The following SLC38A10 variants were observed in gnomAD, a reference collection of about 807,000 sequenced individuals.
SLC38A10 encodes the protein solute carrier family 38 member 10, also known as Sodium-coupled neutral amino acid transporter 10.
A neutral mutation model predicts 81.0 loss-of-function variants in SLC38A10; 53 were observed. The ratio of observed to expected loss-of-function variants is 0.65; its 90% CI spans 0.53 to 0.82. The LOEUF is 0.82. Among genes scored for constraint, SLC38A10 ranks in the 40% least tolerant of loss-of-function variants. The pLI, the probability that SLC38A10 is intolerant of heterozygous loss-of-function variation, is 0.00. For missense variants in SLC38A10, 1,471 were observed against 1,545.0 expected (o/e 0.95, Z 0.80); for synonymous variants, 665 against 655.3 (o/e 1.01, Z -0.23).
Position 81,294,881 on chromosome 17 carries a change from T to C in SLC38A10, c.41A>G (p.Asn14Ser). The change falls in exon 1 of 16, where the codon AAC (asparagine) becomes AGC (serine). Residue 14 changes from asparagine to serine, a missense_variant. Physicochemically the swap from Asn to Ser is conservative, Grantham distance 46 (BLOSUM62 1). This residue lies in a region of SLC38A10 where 720 missense variants were observed against 827.7 expected (regional missense o/e 0.87). Transcript: ENST00000374759. ...AAASNWGLIT[N>S]IVNSIVGVSV... The stretch of plus-strand genomic sequence containing the variant: ...GACCCCTACGATGCTGTTCACGATG[T>C]TCGTGATCAGCCCCCAGTTGGAGGC... 1 of 1,596,576 alleles carries C rather than the reference T, an allele frequency of 6.3e-7. No homozygotes were observed. The highest frequency in any genetic ancestry group is 8.5e-7 in the Non-Finnish European group (1 of 1,172,956).
intron 3 of SLC38A10, among the ~76,000 whole-genome samples, chr17:81,284,442 A>C (rs1011679843): frequency 1.4e-4 from 22 of 152,242 alleles, no homozygotes; most frequent in African/African-American, 5.3e-4. Flanking sequence ...GTTTGAGTTT[A>C]CAATTCCCTA....
chr17:81,272,017 G>A (rs1486189712), intron 9 of SLC38A10, among the ~76,000 whole-genome samples: 1 of 151,864 alleles, frequency 6.6e-6, no homozygotes, highest in Non-Finnish European at 1.5e-5. Context: ...GTGAGCCACT[G>A]CGCCCAGCAA....
intron 14 of SLC38A10, chr17:81,251,116 C>A: frequency 6.6e-7 from 1 of 1,509,062 alleles, no homozygotes; most frequent in Non-Finnish European, 8.9e-7. Context: ...CACGCCCACA[C>A]CTGGCTGGCT....
chr17:81,280,666 C>T lies in SLC38A10; in HGVS notation c.569G>A (p.Arg190His), dbSNP rs199792231. ...GATGCAGCGGAAGACGCCCTCCCAG[C>T]GGACGTAGCTGACCCGCCGCAGCCA... ...GQWLRRVSYV[R>H]WEGVFRCIPI... Residue 190 changes from arginine (R) to histidine (H), a missense_variant, in exon 6 of 16, where the codon CGC (arginine) becomes CAC (histidine). This residue lies in a region of SLC38A10 where 720 missense variants were observed against 827.7 expected (regional missense o/e 0.87). Transcript: ENST00000374759. 2.3e-5 allele frequency: 37 copies of T among 1,610,528 alleles called. No homozygotes were observed. The highest frequency in any genetic ancestry group is 1.7e-4 in the Middle Eastern group (1 of 5,822).
Position 81,286,818 on chromosome 17 carries a change from C to T in SLC38A10, c.218-1923G>A, listed in dbSNP as rs1052525915. The stretch of plus-strand genomic sequence containing the variant: ...CACTCCTGACACCGCTGCTCACAAC[C>T]GAGAACTCAGAGGCCGCGTGGGGGC... On this transcript the variant is annotated intron_variant, in intron 2 of 15. Transcript: ENST00000374759. The surrounding 1 kb of genome is among the most constrained non-coding windows in gnomAD (Gnocchi z 6.0). Among the ~76,000 whole-genome samples the T allele has an allele frequency of 2.0e-5, 3 of 152,212 alleles. No individual in the cohort carries two copies. Among genetic ancestry groups the T allele is most frequent in the East Asian group, 1.9e-4 (1 of 5,202 alleles).
At chr17:81,255,707 G>A (rs930418580) in intron 11 of SLC38A10, among the ~76,000 whole-genome samples, 2 of 152,214 alleles carry the variant, frequency 1.3e-5, no homozygotes, top group African/African-American at 2.4e-5. Flanking sequence ...TTCAAAAATC[G>A]CCTCCAGGCC....
chr17:81,271,060 G>A, intron 9 of SLC38A10, 36 bp from the exon 10 acceptor site: 1 of 1,563,972 alleles, frequency 6.4e-7, no homozygotes, highest in Non-Finnish European at 8.8e-7. Flanking sequence ...GATGAGTGGG[G>A]AAGGGCTCTG....
chr17:81,282,440 T>G, intron 4 of SLC38A10, 108 bp from the exon 5 acceptor site: 5 of 1,447,902 alleles, frequency 3.5e-6, no homozygotes, highest in Non-Finnish European at 4.6e-6. Flanking sequence ...GCCGACGGCA[T>G]CCAGGTGAAT....
At position 81,253,563 on chromosome 17, in the gene SLC38A10, C is replaced by T. The variant is rs1473664530; in HGVS notation, c.1289-323G>A. On this transcript the variant is annotated intron_variant, in intron 11 of 15. Coordinates refer to ENST00000374759, the MANE Select transcript of SLC38A10 (RefSeq NM_001037984.3). This position sits in a 1 kb window ranked among gnomAD's most constrained non-coding sequence, Gnocchi z 4.1. ...CAGTCCCCTCCATTACCATCACCTCCATCATCACCGTCATCACCGTCACCT... is the reference window on the plus strand; with the variant it reads ...CAGTCCCCTCCATTACCATCACCTCTATCATCACCGTCATCACCGTCACCT... Among the ~76,000 whole-genome samples, 2 of 152,046 alleles carry T rather than the reference C, an allele frequency of 1.3e-5. No individual in the cohort carries two copies. The highest frequency in any genetic ancestry group is 2.9e-5 in the Non-Finnish European group (2 of 67,998).
In SLC38A10 at chr17:81,277,017, G is replaced by C. The variant is rs1011524026; in HGVS notation, c.729+14C>G. The C allele has an allele frequency of 1.1e-5, 18 of 1,611,900 alleles. No individual in the cohort carries two copies. The highest frequency in any genetic ancestry group is 1.4e-5 in the Non-Finnish European group (17 of 1,178,272). On this transcript the variant is annotated intron_variant, in intron 7 of 15. Transcript: ENST00000374759. The surrounding 1 kb of genome is among the most constrained non-coding windows in gnomAD (Gnocchi z 4.5). The stretch of plus-strand genomic sequence containing the variant: ...CATGACACAGGGGCGGAGAGGGCGT[G>C]GCAAGGCTCTTACCATGACGTAGAA...
intron 10 of SLC38A10, among the ~76,000 whole-genome samples, chr17:81,262,678 A>G (rs1349879785): frequency 6.6e-6 from 1 of 152,214 alleles, no homozygotes; most frequent in Non-Finnish European, 1.5e-5. Context: ...GCTGGTCAGG[A>G]CAGGAGACTC....
At chr17:81,258,405 CAG>C (rs2062991621) in intron 11 of SLC38A10, among the ~76,000 whole-genome samples, 1 of 152,178 alleles carries the variant, frequency 6.6e-6, no homozygotes, top group South Asian at 2.1e-4. Context: ...GTGGAAGAAA[CAG>C]AAACCAGATG....
At chr17:81,271,283 G>A (rs957085415) in intron 9 of SLC38A10, among the ~76,000 whole-genome samples, 2 of 152,212 alleles carry the variant, frequency 1.3e-5, no homozygotes, top group African/African-American at 4.8e-5. Flanking sequence ...ACCTCCTGCC[G>A]AAACCAGATG....
At position 81,282,186 on chromosome 17, in the gene SLC38A10, C is replaced by G; in HGVS notation, c.501+3G>C. 1 of 1,613,194 alleles carries G rather than the reference C, an allele frequency of 6.2e-7. No homozygotes were observed. Among genetic ancestry groups the G allele is most frequent in the African/African-American group, 1.3e-5 (1 of 75,044 alleles). On this transcript the variant is annotated splice_donor_region_variant and intron_variant, in intron 5 of 15. Coordinates refer to ENST00000374759, the MANE Select transcript of SLC38A10 (RefSeq NM_001037984.3). ...CGGGTACCCACGCGCGCTGCCGACT[C>G]ACCACGAACATGAACACGGTGTAGA...
chr17:81,279,342 C>T lies in SLC38A10; in HGVS notation c.626+1267G>A, dbSNP rs115115391. Among the ~76,000 whole-genome samples the T allele has an allele frequency of 2.2e-3, 341 of 152,350 alleles. 2 individuals carry two copies. Among genetic ancestry groups the T allele is most frequent in the African/African-American group, 6.6e-3 (276 of 41,584 alleles). ...GGCCCCAGCTGGCATCCAGGCCAAT[C>T]ACACAGGCAGGGGGCGCGGCCCGCC... On this transcript the variant is annotated intron_variant, in intron 6 of 15. Coordinates refer to ENST00000374759, the MANE Select transcript of SLC38A10 (RefSeq NM_001037984.3).
At position 81,253,529 on chromosome 17, in the gene SLC38A10, A is replaced by G. The variant is rs2062939892; in HGVS notation, c.1289-289T>C. On this transcript the variant is annotated intron_variant, in intron 11 of 15. Coordinates refer to ENST00000374759, the MANE Select transcript of SLC38A10 (RefSeq NM_001037984.3). This position sits in a 1 kb window ranked among gnomAD's most constrained non-coding sequence, Gnocchi z 4.1. ...GATGGCGGCACGAGCCCACCGACCC[A>G]CTCTCCCACAGTCCCCTCCATTACC... Among the ~76,000 whole-genome samples, 5 of 151,454 alleles carry G rather than the reference A, an allele frequency of 3.3e-5. No homozygotes were observed. In the South Asian group the frequency reaches 1.0e-3, roughly 32 times the overall value.
At chr17:81,273,045 G>A (rs1467232174) in intron 8 of SLC38A10, among the ~76,000 whole-genome samples, 2 of 152,168 alleles carry the variant, frequency 1.3e-5, no homozygotes, top group Admixed American at 6.5e-5. Context: ...GTTTCAGGGT[G>A]CAGGCAGAAC....
Position 81,295,042 on chromosome 17 carries a change from G to A in SLC38A10, c.-121C>T. 2 of 1,354,334 alleles carry A rather than the reference G, an allele frequency of 1.5e-6. No homozygotes were observed. Among genetic ancestry groups the A allele is most frequent in the East Asian group, 3.2e-5 (1 of 31,672 alleles). 83.9% of individuals were successfully genotyped at this position (1,354,334 alleles called of 1,614,324 possible). A position where few individuals can be genotyped will look rare whatever the true frequency, so the allele number is the denominator to read the frequency against. Reference sequence around the variant, plus strand: ...CAACGTCCGGGACGCCGGTGGGGAGGGGATGGGCAGCCTGAACACGGGAGC... The same window carrying A: ...CAACGTCCGGGACGCCGGTGGGGAGAGGATGGGCAGCCTGAACACGGGAGC... On this transcript the variant is annotated 5_prime_UTR_variant, in exon 1 of 16. Coordinates refer to ENST00000374759, the MANE Select transcript of SLC38A10 (RefSeq NM_001037984.3).
chr17:81,294,779 GC>G, intron 1 of SLC38A10, 43 bp downstream of exon 1: 1 of 1,515,096 alleles, frequency 6.6e-7, no homozygotes, highest in Non-Finnish European at 8.9e-7. Flanking sequence ...CGCCCCCTCT[GC>G]GGGGGAGGCG....
Sources: allele counts gnomAD v4.1 joint callset (sites outside exome capture counted in the v4.1 genomes callset), GRCh38; gene constraint gnomAD v4.1.1; regional missense constraint gnomAD v4.1.1; non-coding constraint Gnocchi (gnomAD v3.1); transcripts MANE v1.5; gene names NCBI Gene and HGNC (gene_info 2026-07-23, HGNC 2026-07-21).